Variants in ASIC2 observed in about 807,000 individuals in gnomAD.
The protein encoded by ASIC2 is acid-sensing ion channel 2.
A neutral mutation model predicts 57.3 loss-of-function variants in ASIC2; 25 were observed. The observed-to-expected ratio is 0.44, with a 90% CI of 0.32 to 0.61. The LOEUF (loss-of-function observed/expected upper bound fraction) is 0.61. Among genes scored for constraint, ASIC2 ranks in the 20% least tolerant of loss-of-function variants. ASIC2 has a pLI of 0.06. For synonymous variants in ASIC2, 319 were observed against 307.5 expected, an observed-to-expected ratio of 1.04 and a Z score of -0.39; for missense variants, 641 against 738.1, an observed-to-expected ratio of 0.87 and a Z score of 1.52.
intron 1 of ASIC2, among the ~76,000 whole-genome samples, chr17:34,068,970 A>G (rs142290664): frequency 2.9e-4 from 44 of 152,324 alleles, no homozygotes; most frequent in Non-Finnish European, 4.7e-4. Flanking sequence ...GCAATGAGTG[A>G]CAAACCCATT....
At chr17:33,145,179 C>T (rs980595364) in intron 1 of ASIC2, among the ~76,000 whole-genome samples, 2 of 152,232 alleles carry the variant, frequency 1.3e-5, no homozygotes, top group Non-Finnish European at 2.9e-5. Context: ...GTTCCCTCTT[C>T]CCAGGAGACT....
intron 1 of ASIC2, among the ~76,000 whole-genome samples, chr17:33,667,187 C>T (rs1907504020): frequency 6.6e-6 from 1 of 152,166 alleles, no homozygotes; most frequent in African/African-American, 2.4e-5. Flanking sequence ...CGCTTGTGTG[C>T]ATCTGGCAGC....
At chr17:33,687,725 G>A (rs1908239708) in intron 1 of ASIC2, among the ~76,000 whole-genome samples, 1 of 152,204 alleles carries the variant, frequency 6.6e-6, no homozygotes, top group Non-Finnish European at 1.5e-5. Context: ...ATTGGATGTA[G>A]TTTACGGCAT....
At chr17:33,483,357 G>T (rs1036593257) in intron 1 of ASIC2, among the ~76,000 whole-genome samples, 6 of 152,214 alleles carry the variant, frequency 3.9e-5, no homozygotes, top group Admixed American at 2.0e-4. Flanking sequence ...GACTGCTTCC[G>T]AAGGAGCTGG....
intron 1 of ASIC2, among the ~76,000 whole-genome samples, chr17:33,717,506 G>A (rs1360734652): frequency 1.3e-5 from 2 of 152,286 alleles, no homozygotes; most frequent in East Asian, 1.9e-4. Flanking sequence ...AAGTGGGAGC[G>A]ATGGGAGGTC....
At chr17:33,226,572 AT>A (rs1165411572) in intron 1 of ASIC2, among the ~76,000 whole-genome samples, 5 of 152,066 alleles carry the variant, frequency 3.3e-5, no homozygotes, top group African/African-American at 1.2e-4. Flanking sequence ...CACTCTCGTC[AT>A]TTTTTTCATA....
intron 1 of ASIC2, among the ~76,000 whole-genome samples, chr17:33,831,217 T>C (rs1913099902): frequency 6.6e-6 from 1 of 151,646 alleles, no homozygotes; most frequent in Non-Finnish European, 1.5e-5. Context: ...ATATAAATTA[T>C]GTTGTACCTC....
intron 1 of ASIC2, among the ~76,000 whole-genome samples, chr17:33,661,548 C>T (rs1441216221): frequency 6.6e-6 from 1 of 152,176 alleles, no homozygotes; most frequent in African/African-American, 2.4e-5. Context: ...CCTCGGTTTC[C>T]CTATCTTATT....
chr17:33,282,471 GTGTGCT>G, intron 1 of ASIC2, among the ~76,000 whole-genome samples: 1 of 85,146 alleles, frequency 1.2e-5, no homozygotes, highest in African/African-American at 4.4e-5. Flanking sequence ...GTGTGTGTGT[GTGTGCT>G]TGTGTGTGTG....
chr17:33,676,267 C>G (rs113010871), intron 1 of ASIC2, among the ~76,000 whole-genome samples: 10 of 152,284 alleles, frequency 6.6e-5, no homozygotes, highest in African/African-American at 2.4e-4. Flanking sequence ...ACAATGGCCT[C>G]TAAGTAGTCA....
intron 1 of ASIC2, among the ~76,000 whole-genome samples, chr17:33,635,223 G>A (rs997166589): frequency 2.0e-5 from 3 of 152,186 alleles, no homozygotes; most frequent in Non-Finnish European, 2.9e-5. Context: ...TGCTGTATTT[G>A]TGGGTCAATA....
intron 1 of ASIC2, among the ~76,000 whole-genome samples, chr17:33,609,186 C>G (rs1905314305): frequency 6.6e-6 from 1 of 152,184 alleles, no homozygotes; most frequent in African/African-American, 2.4e-5. Context: ...CCTCTTAGTT[C>G]CCTCCAATCC....
chr17:33,199,313 C>T (rs17836713), intron 1 of ASIC2, among the ~76,000 whole-genome samples: 10,667 of 152,240 alleles, frequency 0.07, 527 homozygotes, highest in East Asian at 0.2. Flanking sequence ...GTGTCTGACG[C>T]GTGAGAAGCA....
intron 1 of ASIC2, among the ~76,000 whole-genome samples, chr17:33,647,992 G>A (rs375477552): frequency 1.2e-4 from 18 of 152,326 alleles, no homozygotes; most frequent in African/African-American, 3.4e-4. Context: ...TAATCTAATA[G>A]TGGCTTCCTG....
rs112405664 is a variant in ASIC2 at position 33,991,552 on chromosome 17, C to T, written c.555+164426G>A. Among the ~76,000 whole-genome samples, 563 of 152,316 alleles carry T rather than the reference C, an allele frequency of 3.7e-3. 5 individuals carry two copies. Among genetic ancestry groups the T allele is most frequent in the African/African-American group, 0.013 (537 of 41,570 alleles). On this transcript the variant is annotated intron_variant, in intron 1 of 9. Transcript: ENST00000359872. ...GTCTGCTGCATCCTTGATCATATCACGTAGGCAGGAGGCTTAGAGCTAACC... is the reference window on the plus strand; with the variant it reads ...GTCTGCTGCATCCTTGATCATATCATGTAGGCAGGAGGCTTAGAGCTAACC...
At chr17:34,013,013 G>A (rs755873366) in intron 1 of ASIC2, among the ~76,000 whole-genome samples, 4 of 152,194 alleles carry the variant, frequency 2.6e-5, no homozygotes, top group Non-Finnish European at 5.9e-5. Context: ...GAAGCAGTGA[G>A]GGGGACAGCC....
chr17:33,625,753 T>C (rs1905963271), intron 1 of ASIC2, among the ~76,000 whole-genome samples: 1 of 152,190 alleles, frequency 6.6e-6, no homozygotes, highest in African/African-American at 2.4e-5. Context: ...AAATCTGCCA[T>C]GTGAGTTTTA....
chr17:33,781,999 A>G (rs9630746), intron 1 of ASIC2, among the ~76,000 whole-genome samples: 6,694 of 152,108 alleles, frequency 0.044, 351 homozygotes, highest in African/African-American at 0.13. Context: ...CCTGCCTCCA[A>G]TCTGGCCTCT....
chr17:33,585,794 T>G (rs141800989), intron 1 of ASIC2, among the ~76,000 whole-genome samples: 3 of 152,320 alleles, frequency 2.0e-5, no homozygotes, highest in Non-Finnish European at 2.9e-5. Context: ...TTTATCTAAT[T>G]TGTAGTTTTC....
Sources: allele counts gnomAD v4.1 joint callset (sites outside exome capture counted in the v4.1 genomes callset), GRCh38; gene constraint gnomAD v4.1.1; transcripts MANE v1.5; gene names NCBI Gene and HGNC (gene_info 2026-07-23, HGNC 2026-07-21).